Variants in SCMH1 observed in about 807,000 individuals in gnomAD.
The protein encoded by SCMH1 is polycomb protein SCMH1.
SCMH1 carries 37 observed loss-of-function variants against 70.8 expected under a neutral mutation model. The observed-to-expected ratio is 0.52, with a 90% CI of 0.40 to 0.69. SCMH1 has a LOEUF of 0.69. Ranked by LOEUF, SCMH1 falls within the 30% of genes least tolerant of loss-of-function variation. The probability of loss-of-function intolerance (pLI) is 0.00; values close to 1 mark genes in which losing one functional copy is unlikely to be tolerated. For missense variants in SCMH1, 607 were observed against 827.3 expected (o/e 0.73, Z 3.27); for synonymous variants, 292 against 307.4 (o/e 0.95, Z 0.52).
At chr1:41,042,759 C>G (rs1178681670) in intron 12 of SCMH1, among the ~76,000 whole-genome samples, 1 of 152,222 alleles carries the variant, frequency 6.6e-6, no homozygotes, top group Non-Finnish European at 1.5e-5. Context: ...TGTCTCAGCT[C>G]TTTGAGCACA....
chr1:41,031,026 G>A (rs190433317), intron 13 of SCMH1, among the ~76,000 whole-genome samples: 7 of 152,246 alleles, frequency 4.6e-5, no homozygotes, highest in South Asian at 2.1e-4. Context: ...AGTGGCTCAC[G>A]CTGTAATCCC....
At chr1:41,163,675 A>G (rs1646223993) in intron 2 of SCMH1, among the ~76,000 whole-genome samples, 1 of 152,216 alleles carries the variant, frequency 6.6e-6, no homozygotes, top group Non-Finnish European at 1.5e-5. Context: ...GCCTCAGAAG[A>G]AAGAAATCAA....
At chr1:41,059,449 G>C (rs1393847495) in intron 10 of SCMH1, among the ~76,000 whole-genome samples, 1 of 152,188 alleles carries the variant, frequency 6.6e-6, no homozygotes, top group South Asian at 2.1e-4. Flanking sequence ...GATGGTCAGA[G>C]AGGAGATCAG....
At chr1:41,110,975 G>A (rs1669112165) in intron 8 of SCMH1, among the ~76,000 whole-genome samples, 1 of 152,128 alleles carries the variant, frequency 6.6e-6, no homozygotes, top group Non-Finnish European at 1.5e-5. Flanking sequence ...GCTTATAGCT[G>A]TATCCATGGG....
chr1:41,108,983 A>G (rs1362102928), intron 8 of SCMH1, among the ~76,000 whole-genome samples: 2 of 152,166 alleles, frequency 1.3e-5, no homozygotes, highest in African/African-American at 4.8e-5. Flanking sequence ...ATTTTTTATC[A>G]GGATTTGGAA....
At chr1:41,213,986 C>T (rs1657589971) in intron 1 of SCMH1, among the ~76,000 whole-genome samples, 2 of 152,130 alleles carry the variant, frequency 1.3e-5, no homozygotes, top group East Asian at 3.9e-4. Flanking sequence ...AGCAAAGAGA[C>T]TACAGAAAAA....
intron 6 of SCMH1, among the ~76,000 whole-genome samples, chr1:41,139,979 C>T (rs1409588257): frequency 2.0e-5 from 3 of 152,094 alleles, no homozygotes; most frequent in Non-Finnish European, 4.4e-5. Context: ...GTTGGTGGTA[C>T]AGTCACTTAG....
At position 41,113,663 on chromosome 1, in the gene SCMH1, T is replaced by A; in HGVS notation, c.502-137A>T. The A allele has an allele frequency of 1.3e-6, 1 of 763,664 alleles. No homozygotes were observed. Among genetic ancestry groups the A allele is most frequent in the Non-Finnish European group, 1.8e-6 (1 of 548,286 alleles). 47.3% of individuals were successfully genotyped at this position (763,664 alleles called of 1,614,324 possible). A position where few individuals can be genotyped will look rare whatever the true frequency, so the allele number is the denominator to read the frequency against. ...TGGATATATAGCCTTTCTTTTAAAT[T>A]AATTTTAAATTCAATATTTCAATAT... is the stretch of plus-strand genomic sequence containing the variant. On this transcript the variant is annotated intron_variant, in intron 7 of 14. Transcript: ENST00000337495. This position sits in a 1 kb window ranked among gnomAD's most constrained non-coding sequence, Gnocchi z 4.3.
At chr1:41,119,691 A>G (rs1302108901) in intron 6 of SCMH1, among the ~76,000 whole-genome samples, 3 of 152,198 alleles carry the variant, frequency 2.0e-5, no homozygotes, top group Admixed American at 2.0e-4. Flanking sequence ...GGATGTTTGC[A>G]GTTTGGGCAC....
intron 1 of SCMH1, among the ~76,000 whole-genome samples, chr1:41,204,844 T>C (rs1234963949): frequency 1.3e-5 from 2 of 152,208 alleles, no homozygotes; most frequent in Non-Finnish European, 2.9e-5. Context: ...GAATAGTGCC[T>C]GGTGTAAGAG....
At chr1:41,116,981 T>C in exon 7 of SCMH1, 3 of 1,606,440 alleles carry the variant, frequency 1.9e-6, no homozygotes, top group Non-Finnish European at 8.5e-7. Flanking sequence ...AAAAGGAACA[T>C]GGGCCAAGAA....
intron 1 of SCMH1, among the ~76,000 whole-genome samples, chr1:41,191,902 G>A (rs902647779): frequency 7.2e-5 from 11 of 152,236 alleles, no homozygotes; most frequent in Non-Finnish European, 1.6e-4. Flanking sequence ...GGATACTAAG[G>A]TGTGTATATT....
At chr1:41,067,312 C>G (rs1346920353) in intron 10 of SCMH1, among the ~76,000 whole-genome samples, 5 of 151,556 alleles carry the variant, frequency 3.3e-5, no homozygotes, top group African/African-American at 1.2e-4. Flanking sequence ...GGTGTGGTGG[C>G]GGGCGCCTGT....
At chr1:41,078,172 T>C (rs1026765482) in intron 8 of SCMH1, among the ~76,000 whole-genome samples, 1 of 151,986 alleles carries the variant, frequency 6.6e-6, no homozygotes, top group African/African-American at 2.4e-5. Context: ...ATAAACTTGA[T>C]GAAAAAATAG....
intron 1 of SCMH1, among the ~76,000 whole-genome samples, chr1:41,212,398 T>C (rs1025672188): frequency 2.0e-5 from 3 of 152,176 alleles, no homozygotes; most frequent in African/African-American, 7.2e-5. Context: ...GAAATCCATG[T>C]AATAAAAAGA....
At chr1:41,098,317 A>G (rs192495853) in intron 8 of SCMH1, among the ~76,000 whole-genome samples, 83 of 152,356 alleles carry the variant, frequency 5.4e-4, no homozygotes, top group African/African-American at 2.0e-3. Flanking sequence ...AAAACTTGAG[A>G]AAGTGACCTT....
At chr1:41,226,704 G>C (rs1660333118) in intron 1 of SCMH1, among the ~76,000 whole-genome samples, 1 of 152,130 alleles carries the variant, frequency 6.6e-6, no homozygotes, top group Non-Finnish European at 1.5e-5. Context: ...CATGGTCCCT[G>C]CTATTCTGAC....
At chr1:41,097,109 A>G (rs1249267382) in intron 8 of SCMH1, among the ~76,000 whole-genome samples, 1 of 152,208 alleles carries the variant, frequency 6.6e-6, no homozygotes, top group Non-Finnish European at 1.5e-5. Flanking sequence ...CTAGAAATCA[A>G]GTTAGTTTGT....
intron 10 of SCMH1, among the ~76,000 whole-genome samples, chr1:41,054,323 T>C (rs1385218330): frequency 6.6e-6 from 1 of 152,094 alleles, no homozygotes; most frequent in East Asian, 1.9e-4. Context: ...CCAGACAAAG[T>C]AATGAAAGTA....
Sources: gnomAD v4.1 joint callset for allele counts (sites outside exome capture counted in the v4.1 genomes callset) on GRCh38, gnomAD v4.1.1 for gene constraint, Gnocchi (gnomAD v3.1) non-coding constraint, MANE v1.5 for transcripts, NCBI Gene and HGNC (gene_info 2026-07-23, HGNC 2026-07-21) for gene names.